Variants in TAS2R1 observed in about 807,000 individuals in gnomAD.
TAS2R1 encodes taste 2 receptor member 1, also known as taste receptor type 2 member 1.
For synonymous variants in TAS2R1, 141 were observed against 134.2 expected (o/e 1.05, Z -0.35); for missense variants, 370 against 353.4 (o/e 1.05, Z -0.38).
Position 9,629,741 on chromosome 5 carries a change from A to G in TAS2R1, c.292T>C (p.Trp98Arg), listed in dbSNP as rs1362183484. Residue 98 changes from tryptophan to arginine, a missense_variant, in exon 1 of 1, where the codon TGG (tryptophan) becomes CGG (arginine). Trp to Arg is a moderately radical substitution (Grantham distance 101). Coordinates refer to ENST00000382492, the MANE Select transcript of TAS2R1 (RefSeq NM_019599.3). ...TTGGCACAATAGAAAACGCCGAGCC[A>G]TGTGGCAAGCCAAAGTTCCAATTCA... ...INELELWLAT[W>R]LGVFYCAKVA... 1 of 1,614,072 alleles carries G rather than the reference A, an allele frequency of 6.2e-7. No individual in the cohort carries two copies.
At chr5:9,867,064 A>G in the TAS2R1 span, 6 of 152,226 alleles carry the variant, frequency 3.9e-5, no homozygotes, top group Non-Finnish European at 7.3e-5. Flanking sequence ...GACATTCACC[A>G]TTACAGGGAA....
chr5:9,842,882 C>T, the TAS2R1 span, among the ~76,000 whole-genome samples: 1 of 152,050 alleles, frequency 6.6e-6, no homozygotes, highest in East Asian at 1.9e-4. Flanking sequence ...TTCTACTCAG[C>T]TTCTTAGTCT....
At chr5:9,753,191 C>T in the TAS2R1 span, among the ~76,000 whole-genome samples, 1 of 152,196 alleles carries the variant, frequency 6.6e-6, no homozygotes, top group Non-Finnish European at 1.5e-5. Context: ...CCTATTTCTC[C>T]ACATCCTCTC....
chr5:9,805,130 A>G, the TAS2R1 span, among the ~76,000 whole-genome samples: 1 of 152,120 alleles, frequency 6.6e-6, no homozygotes, highest in African/African-American at 2.4e-5. Context: ...ATGCACATAA[A>G]CTAGAAAACC....
chr5:9,680,760 C>T (rs1242163062), intron 1 of TAS2R1, among the ~76,000 whole-genome samples: 1 of 152,038 alleles, frequency 6.6e-6, no homozygotes, highest in Non-Finnish European at 1.5e-5. Flanking sequence ...TTAAATCTAA[C>T]GTGGTATCAT....
chr5:9,705,365 T>C (rs1741580171), intron 1 of TAS2R1, among the ~76,000 whole-genome samples: 1 of 152,222 alleles, frequency 6.6e-6, no homozygotes, highest in South Asian at 2.1e-4. Flanking sequence ...AGCATGCATG[T>C]ATTGCTTTCC....
chr5:9,878,746 A>G, the TAS2R1 span, among the ~76,000 whole-genome samples: 1 of 152,336 alleles, frequency 6.6e-6, no homozygotes, highest in Non-Finnish European at 1.5e-5. Flanking sequence ...AGAGGCATCC[A>G]TCAACATCTT....
At chr5:9,709,185 G>A (rs1307447071) in intron 1 of TAS2R1, among the ~76,000 whole-genome samples, 12 of 127,242 alleles carry the variant, frequency 9.4e-5, no homozygotes, top group Non-Finnish European at 2.0e-4. Flanking sequence ...AGAACTTAAA[G>A]TAGAAAAAAA....
rs1298821805 is a variant in TAS2R1, at chr5:9,681,497, T to G, written c.-241-21916A>C. ...CTTTCTCCCCTTTCCAACTCACACC[T>G]GTTCAACATTTCAGGGGACTTCTCA... On this transcript the variant is annotated intron_variant, in intron 1 of 2. Transcript: ENST00000506620. Among the ~76,000 whole-genome samples the G allele has an allele frequency of 2.1e-5, 3 of 141,788 alleles. No individual in the cohort carries two copies. In the East Asian group the frequency reaches 6.0e-4, roughly 28 times the overall value. The allele number at this position is 141,788 out of a possible 152,430, so 93.0% of individuals were successfully genotyped here.
the TAS2R1 span, among the ~76,000 whole-genome samples, chr5:9,745,463 A>G: frequency 2.0e-5 from 3 of 152,236 alleles, no homozygotes; most frequent in Non-Finnish European, 4.4e-5. Flanking sequence ...TAGCCAAGAC[A>G]ATACTAGGCA....
intron 1 of TAS2R1, among the ~76,000 whole-genome samples, chr5:9,686,186 C>T (rs958613774): frequency 3.3e-5 from 5 of 152,152 alleles, no homozygotes; most frequent in African/African-American, 9.7e-5. Context: ...TTTTAAGCTG[C>T]GATCGGATGA....
chr5:9,686,223 TATTA>T (rs1409468874), intron 1 of TAS2R1, among the ~76,000 whole-genome samples: 2 of 152,190 alleles, frequency 1.3e-5, no homozygotes, highest in Non-Finnish European at 2.9e-5. Flanking sequence ...CTTCATTTAT[TATTA>T]ATCTTACATC....
At chr5:9,738,664 T>A in the TAS2R1 span, among the ~76,000 whole-genome samples, 1 of 152,246 alleles carries the variant, frequency 6.6e-6, no homozygotes, top group Non-Finnish European at 1.5e-5. Flanking sequence ...GCTACGGTAG[T>A]GATGGGGAAT....
the TAS2R1 span, among the ~76,000 whole-genome samples, chr5:9,735,959 C>T: frequency 6.6e-6 from 1 of 152,234 alleles, no homozygotes; most frequent in Admixed American, 6.5e-5. Context: ...TTCTCTGCTA[C>T]CCCTTGAAAA....
chr5:9,671,230 AC>A (rs1315327722), intron 1 of TAS2R1, among the ~76,000 whole-genome samples: 1 of 152,166 alleles, frequency 6.6e-6, no homozygotes, highest in Admixed American at 6.6e-5. Context: ...GAAAACCAGA[AC>A]AAGACAAGGA....
the TAS2R1 span, among the ~76,000 whole-genome samples, chr5:9,864,719 T>C: frequency 1.3e-5 from 2 of 151,502 alleles, no homozygotes; most frequent in South Asian, 2.1e-4. Flanking sequence ...CCAGTTCCCA[T>C]ACACAAAAAA....
At chr5:9,715,986 G>A (rs2126536564), upstream of TAS2R1, among the ~76,000 whole-genome samples, 1 of 152,364 alleles carries the variant, frequency 6.6e-6, no homozygotes, top group East Asian at 1.9e-4. Flanking sequence ...CAAATGGAGT[G>A]ACACATACTC....
intron 1 of TAS2R1, among the ~76,000 whole-genome samples, chr5:9,681,170 A>G (rs993559664): frequency 1.4e-4 from 22 of 152,140 alleles, no homozygotes; most frequent in Non-Finnish European, 2.6e-4. Context: ...GGTATAAATG[A>G]AGCAAATCTG....
At chr5:9,746,861 C>T in the TAS2R1 span, among the ~76,000 whole-genome samples, 1 of 152,102 alleles carries the variant, frequency 6.6e-6, no homozygotes, top group Non-Finnish European at 1.5e-5. Context: ...TGCAGCAAAC[C>T]ACCATGGCAC....
Sources: allele counts gnomAD v4.1 joint callset (sites outside exome capture counted in the v4.1 genomes callset), GRCh38; gene constraint gnomAD v4.1.1; transcripts MANE v1.5; gene names NCBI Gene and HGNC (gene_info 2026-07-23, HGNC 2026-07-21).